The following NGLY1 variants were observed in gnomAD, a reference collection of about 807,000 sequenced individuals.
NGLY1 encodes N-glycanase 1.
NGLY1 carries 68 observed loss-of-function variants against 84.6 expected under a neutral mutation model. The observed-to-expected ratio is 0.80, with a 90% confidence interval of 0.66 to 0.98. The LOEUF is 0.98. Ranked by LOEUF, NGLY1 falls within the 50% of genes least tolerant of loss-of-function variation. The probability of loss-of-function intolerance (pLI) is 0.00; values close to 1 mark genes in which losing one functional copy is unlikely to be tolerated. For missense variants in NGLY1, 779 were observed against 770.2 expected, an observed-to-expected ratio of 1.01 and a Z score of -0.14; for synonymous variants, 280 against 275.2, an observed-to-expected ratio of 1.02 and a Z score of -0.17.
intron 9 of NGLY1, among the ~76,000 whole-genome samples, chr3:25,732,021 T>A (rs571705670): frequency 7.9e-5 from 12 of 152,270 alleles, no homozygotes; most frequent in African/African-American, 2.9e-4. Flanking sequence ...TTCATTAAGC[T>A]GTACATTTAT....
intron 10 of NGLY1, among the ~76,000 whole-genome samples, chr3:25,723,166 G>T (rs1301029679): frequency 1.3e-5 from 2 of 152,070 alleles, no homozygotes; most frequent in African/African-American, 4.8e-5. Flanking sequence ...ATATTGTGTG[G>T]GTCTGGGTCA....
chr3:25,786,554 A>G (rs1256976501), upstream of NGLY1, among the ~76,000 whole-genome samples: 5 of 152,222 alleles, frequency 3.3e-5, no homozygotes, highest in East Asian at 1.9e-4. Context: ...AAGAATTAGA[A>G]TATCTCCAAC....
At chr3:25,726,378 A>G (rs1005755829) in intron 10 of NGLY1, among the ~76,000 whole-genome samples, 3 of 152,222 alleles carry the variant, frequency 2.0e-5, no homozygotes, top group Non-Finnish European at 4.4e-5. Flanking sequence ...ACATTATTAG[A>G]GAGAGACAAA....
intron 4 of NGLY1, among the ~76,000 whole-genome samples, chr3:25,741,163 A>G (rs917880509): frequency 1.7e-4 from 26 of 151,908 alleles, no homozygotes; most frequent in South Asian, 8.3e-4. Context: ...TTGACAAGCT[A>G]ACTACAAAAT....
chr3:25,745,887 T>A (rs964759026), intron 4 of NGLY1, among the ~76,000 whole-genome samples: 3 of 152,232 alleles, frequency 2.0e-5, no homozygotes, highest in African/African-American at 7.2e-5. Flanking sequence ...TTCTGATGAA[T>A]AAGGTTATGT....
At chr3:25,722,071 A>G (rs1705022578) in intron 10 of NGLY1, among the ~76,000 whole-genome samples, 1 of 151,916 alleles carries the variant, frequency 6.6e-6, no homozygotes, top group African/African-American at 2.4e-5. Context: ...TACCAAAATT[A>G]GCCGGGCATG....
chr3:25,770,574 G>C (rs1707842497), intron 2 of NGLY1, among the ~76,000 whole-genome samples: 1 of 152,002 alleles, frequency 6.6e-6, no homozygotes, highest in African/African-American at 2.4e-5. Context: ...TTTTCCTCTG[G>C]GTAGATATCC....
chr3:25,782,911 G>A, intron 1 of NGLY1: 1 of 242,786 alleles, frequency 4.1e-6, no homozygotes, highest in Non-Finnish European at 8.1e-6. Context: ...CCCGATATCT[G>A]AGGCCGTTAA....
intron 9 of NGLY1, among the ~76,000 whole-genome samples, chr3:25,731,693 A>C (rs566010631): frequency 6.6e-6 from 1 of 152,140 alleles, no homozygotes; most frequent in Non-Finnish European, 1.5e-5. Context: ...AAATAACCCA[A>C]ATAGCCATCA....
At chr3:25,778,997 G>A (rs973305239) in intron 1 of NGLY1, among the ~76,000 whole-genome samples, 11 of 141,340 alleles carry the variant, frequency 7.8e-5, no homozygotes, top group South Asian at 2.2e-4. Flanking sequence ...GTGCAGTGGC[G>A]TGACCTCGGC....
intron 1 of NGLY1, among the ~76,000 whole-genome samples, chr3:25,782,233 TAA>T (rs1324750620): frequency 1.3e-5 from 2 of 152,220 alleles, no homozygotes; most frequent in African/African-American, 4.8e-5. Flanking sequence ...AACTAATGTC[TAA>T]AATTGGGTCA....
chr3:25,719,910 A>T, intron 11 of NGLY1, 104 bp downstream of exon 11: 2 of 986,730 alleles, frequency 2.0e-6, no homozygotes, highest in African/African-American at 1.6e-5. Context: ...AAATAGTATT[A>T]ATAACTCTTA....
intron 2 of NGLY1, among the ~76,000 whole-genome samples, chr3:25,770,767 G>A (rs1475268080): frequency 6.6e-6 from 1 of 152,176 alleles, no homozygotes; most frequent in Admixed American, 6.5e-5. Flanking sequence ...GCAGTAAGGT[G>A]TTGTCACACT....
intron 5 of NGLY1, among the ~76,000 whole-genome samples, chr3:25,738,688 G>A (rs939755731): frequency 1.3e-5 from 2 of 151,996 alleles, no homozygotes; most frequent in South Asian, 2.1e-4. Context: ...GAGCGCAGTG[G>A]CACAATCTTG....
At chr3:25,786,397 A>G (rs781425247), upstream of NGLY1, among the ~76,000 whole-genome samples, 31 of 147,272 alleles carry the variant, frequency 2.1e-4, no homozygotes, top group Middle Eastern at 3.4e-3. Context: ...AATCCTGGGG[A>G]AAAAAAAAAT....
At chr3:25,736,367 G>A (rs1368247722) in intron 6 of NGLY1, 29 of 1,551,216 alleles carry the variant, frequency 1.9e-5, no homozygotes, top group South Asian at 1.2e-4. Context: ...CTCCTTTAAC[G>A]TGGTCAGTTT....
At chr3:25,762,447 G>C (rs1707364029) in intron 3 of NGLY1, among the ~76,000 whole-genome samples, 1 of 152,162 alleles carries the variant, frequency 6.6e-6, no homozygotes, top group South Asian at 2.1e-4. Context: ...CTTCAACACA[G>C]AAGATATTTT....
chr3:25,784,997 C>G (rs769252931), upstream of NGLY1, among the ~76,000 whole-genome samples: 8 of 152,114 alleles, frequency 5.3e-5, no homozygotes, highest in Admixed American at 1.3e-4. Context: ...GTGTTTTAGG[C>G]TTTGTGAGCC....
At chr3:25,767,012 G>A (rs914036631) in intron 2 of NGLY1, among the ~76,000 whole-genome samples, 2 of 152,150 alleles carry the variant, frequency 1.3e-5, no homozygotes, top group Admixed American at 6.5e-5. Flanking sequence ...ATCAAAAAGA[G>A]GCCAGGCGCA....
Sources: gnomAD v4.1 joint callset for allele counts (sites outside exome capture counted in the v4.1 genomes callset) on GRCh38, gnomAD v4.1.1 for gene constraint, MANE v1.5 for transcripts, NCBI Gene and HGNC (gene_info 2026-07-23, HGNC 2026-07-21) for gene names.